TOPBP1: variants seen among roughly 807,000 people sequenced by gnomAD.
TOPBP1 encodes the protein DNA topoisomerase II binding protein 1.
TOPBP1 carries 28 observed loss-of-function variants against 167.7 expected under a neutral mutation model. The observed-to-expected ratio is 0.17, with a 90% CI of 0.12 to 0.23. The LOEUF (loss-of-function observed/expected upper bound fraction) is 0.23. Ranked by LOEUF, TOPBP1 falls within the 10% of genes least tolerant of loss-of-function variation. The pLI, the probability that TOPBP1 is intolerant of heterozygous loss-of-function variation, is 1.00. For missense variants in TOPBP1, 1,554 were observed against 1,809.6 expected (o/e 0.86, Z 2.56); for synonymous variants, 598 against 611.4 (o/e 0.98, Z 0.32).
At position 133,649,462 on chromosome 3, in the gene TOPBP1, T is replaced by G. The variant is rs757275602; in HGVS notation, c.1425A>C (p.Lys475Asn). 1 of 1,613,958 alleles carries G rather than the reference T, an allele frequency of 6.2e-7. No individual in the cohort carries two copies. Among genetic ancestry groups the G allele is most frequent in the Non-Finnish European group, 8.5e-7 (1 of 1,179,876 alleles). The change falls in exon 10 of 28, where the codon AAA becomes AAC. Residue 475 changes from lysine (K) to asparagine (N), a missense_variant. By Grantham distance (94) the Lys-to-Asn change is moderately conservative. Coordinates refer to ENST00000260810, the MANE Select transcript of TOPBP1 (RefSeq NM_007027.4). ...LKKKNSSFSK[K>N]DFAPSEKHEQ... ...CATGCTTTTCACTAGGAGCAAAGTC[T>G]TTCTTAGAGAAGCTGCTGTTCTTCT...
chr3:133,612,902 C>T (rs1035873918), intron 23 of TOPBP1, among the ~76,000 whole-genome samples: 37 of 152,128 alleles, frequency 2.4e-4, no homozygotes, highest in Admixed American at 3.9e-4. Context: ...GGTTCTCACT[C>T]TGTCACCCAG....
intron 27 of TOPBP1, among the ~76,000 whole-genome samples, chr3:133,601,886 C>A (rs1934314235): frequency 6.6e-6 from 1 of 152,098 alleles, no homozygotes; most frequent in African/African-American, 2.4e-5. Context: ...GAAAATGAAT[C>A]ACCACAAAAT....
At position 133,610,982 on chromosome 3, in the gene TOPBP1, CTA is replaced by C; in HGVS notation, c.4173+20_4173+21del. ...CAATATTGAATGCTATTTGTATTAC[CTA>C]TATAATTGTGTTTTAATACCTCAAC... On this transcript the variant is annotated intron_variant, in intron 25 of 27. Coordinates refer to ENST00000260810, the MANE Select transcript of TOPBP1 (RefSeq NM_007027.4). The C allele has an allele frequency of 6.3e-7, 1 of 1,593,484 alleles. No homozygotes were observed. Among genetic ancestry groups the C allele is most frequent in the Non-Finnish European group, 8.6e-7 (1 of 1,168,400 alleles).
In TOPBP1 at chr3:133,600,339, G is replaced by C. The variant is rs975224697; in HGVS notation, c.*911C>G. The C allele has an allele frequency of 1.3e-5, 2 of 151,630 alleles. No homozygotes were observed. Among genetic ancestry groups the C allele is most frequent in the Non-Finnish European group, 2.9e-5 (2 of 68,372 alleles). 9.4% of individuals were successfully genotyped at this position (151,630 alleles called of 1,614,324 possible). ...CGCAACCTCCGCCTCCCGGGTTCAA[G>C]CGATTCTCCTGCCTCAGCCTCCTGA... is the stretch of plus-strand genomic sequence containing the variant. On this transcript the variant is annotated 3_prime_UTR_variant, in exon 28 of 28. Transcript: ENST00000260810.
At chr3:133,628,259 C>A in intron 16 of TOPBP1, 103 bp downstream of exon 16, 2 of 1,061,052 alleles carry the variant, frequency 1.9e-6, no homozygotes, top group Non-Finnish European at 1.4e-6. Flanking sequence ...GATAAAGATG[C>A]ATGAAACAAA....
At chr3:133,610,427 AAC>A (rs1300343709) in intron 25 of TOPBP1, among the ~76,000 whole-genome samples, 2 of 151,014 alleles carry the variant, frequency 1.3e-5, no homozygotes, top group Admixed American at 6.6e-5. Context: ...TTGATAAATC[AAC>A]AGTTAACAAA....
chr3:133,608,726 CT>C, intron 26 of TOPBP1, 30 bp from the exon 27 acceptor site: 1 of 1,610,002 alleles, frequency 6.2e-7, no homozygotes, highest in African/African-American at 1.3e-5. Context: ...GTATCACAAT[CT>C]ACCAGTATTC....
intron 23 of TOPBP1, among the ~76,000 whole-genome samples, chr3:133,615,240 T>G (rs1243283093): frequency 2.6e-5 from 4 of 152,038 alleles, no homozygotes; most frequent in Admixed American, 6.6e-5. Flanking sequence ...GAGGCCAAGG[T>G]AGGTGGATCA....
chr3:133,620,776 C>T lies in TOPBP1; in HGVS notation c.3179-429G>A, dbSNP rs563855637. On this transcript the variant is annotated intron_variant, in intron 19 of 27. Coordinates refer to ENST00000260810, the MANE Select transcript of TOPBP1 (RefSeq NM_007027.4). ...TTTTAGTAGAGACGCGGTTTCGCCA[C>T]GTTGGCTAGGCTGGTCTTGAACTCC... Among the ~76,000 whole-genome samples the T allele has an allele frequency of 3.3e-5, 5 of 151,992 alleles. No individual in the cohort carries two copies. In the South Asian group the frequency reaches 8.3e-4, roughly 25 times the overall value.
intron 24 of TOPBP1, among the ~76,000 whole-genome samples, chr3:133,611,720 ATTT>A (rs1349161630): frequency 6.6e-6 from 1 of 152,172 alleles, no homozygotes; most frequent in Non-Finnish European, 1.5e-5. Context: ...GGTTATTTCA[ATTT>A]TATGAGCAGT....
intron 10 of TOPBP1, among the ~76,000 whole-genome samples, chr3:133,647,823 G>A (rs1936132881): frequency 6.6e-6 from 1 of 152,136 alleles, no homozygotes; most frequent in South Asian, 2.1e-4. Context: ...AAAAAAATCT[G>A]AAGGAATTAC....
chr3:133,621,370 C>T (rs1294163202), intron 19 of TOPBP1, among the ~76,000 whole-genome samples: 1 of 152,004 alleles, frequency 6.6e-6, no homozygotes, highest in Non-Finnish European at 1.5e-5. Flanking sequence ...CCACATCCAC[C>T]GGTTCTGCAT....
chr3:133,658,807 C>T (rs1936575932), intron 3 of TOPBP1, among the ~76,000 whole-genome samples: 1 of 151,918 alleles, frequency 6.6e-6, no homozygotes, highest in South Asian at 2.1e-4. Context: ...ACTCTGTCTC[C>T]AAAAAACAAA....
intron 14 of TOPBP1, 32 bp downstream of exon 14, chr3:133,637,844 T>C: frequency 3.1e-6 from 5 of 1,601,336 alleles, no homozygotes; most frequent in East Asian, 2.2e-5. Flanking sequence ...GGTAAAACTG[T>C]TAACTCTGGG....
chr3:133,603,807 A>C (rs1376398957), intron 27 of TOPBP1, among the ~76,000 whole-genome samples: 1 of 151,948 alleles, frequency 6.6e-6, no homozygotes, highest in African/African-American at 2.4e-5. Context: ...TACACAGAAA[A>C]TCTGATCAAC....
intron 1 of TOPBP1, 36 bp from the exon 2 acceptor site, chr3:133,661,170 C>G (rs982699314): frequency 6.8e-6 from 10 of 1,475,298 alleles, no homozygotes; most frequent in Non-Finnish European, 9.1e-6. Flanking sequence ...AAGAACAAAA[C>G]CACATTAGAT....
At chr3:133,636,731 T>C (rs967379994) in intron 14 of TOPBP1, among the ~76,000 whole-genome samples, 1 of 152,162 alleles carries the variant, frequency 6.6e-6, no homozygotes, top group Admixed American at 6.6e-5. Context: ...TTAGAGATCA[T>C]CTGGATTTTA....
At chr3:133,602,362 C>T (rs1934333813) in intron 27 of TOPBP1, among the ~76,000 whole-genome samples, 1 of 152,096 alleles carries the variant, frequency 6.6e-6, no homozygotes, top group African/African-American at 2.4e-5. Context: ...AGAATTGATC[C>T]CCAATCAACC....
intron 14 of TOPBP1, among the ~76,000 whole-genome samples, chr3:133,635,114 C>A (rs1935621090): frequency 6.6e-6 from 1 of 151,894 alleles, no homozygotes; most frequent in African/African-American, 2.4e-5. Flanking sequence ...ATCATCATGC[C>A]CAGCTAATTT....
Sources: gnomAD v4.1 joint callset for allele counts (sites outside exome capture counted in the v4.1 genomes callset) on GRCh38, gnomAD v4.1.1 for gene constraint, MANE v1.5 for transcripts, NCBI Gene and HGNC (gene_info 2026-07-23, HGNC 2026-07-21) for gene names.